Variants in UBASH3B observed in about 807,000 individuals in gnomAD.
UBASH3B encodes ubiquitin-associated and SH3 domain-containing protein B.
In UBASH3B, 37 loss-of-function variants were observed where a neutral mutation model predicts 83.4. The ratio of observed to expected loss-of-function variants is 0.44; its 90% CI spans 0.34 to 0.58. The LOEUF is 0.58. Among genes scored for constraint, UBASH3B ranks in the 20% least tolerant of loss-of-function variants. UBASH3B has a pLI of 0.01. For synonymous variants in UBASH3B, 304 were observed against 318.3 expected (o/e 0.96, Z 0.48); for missense variants, 657 against 827.2 (o/e 0.79, Z 2.52).
chr11:122,669,609 C>T (rs1343016817), intron 1 of UBASH3B, among the ~76,000 whole-genome samples: 1 of 152,174 alleles, frequency 6.6e-6, no homozygotes, highest in Non-Finnish European at 1.5e-5. Flanking sequence ...GAGTTCATGA[C>T]ATTTCTGTTA....
intron 1 of UBASH3B, among the ~76,000 whole-genome samples, chr11:122,699,534 T>TTTCTTTCTTTA (rs1338468604): frequency 7.5e-5 from 8 of 107,100 alleles, no homozygotes; most frequent in African/African-American, 2.9e-4. Context: ...TTTCTTTCTC[T>TTTCTTTCTTTA]TTCTTTCTTT....
chr11:122,801,443 G>A, intron 11 of UBASH3B, 111 bp downstream of exon 11: 7 of 1,250,708 alleles, frequency 5.6e-6, no homozygotes, highest in Non-Finnish European at 7.6e-6. Flanking sequence ...ACAGGCAGTT[G>A]TCCATAGTGG....
rs917250832 is a variant in UBASH3B at position 122,813,972 on chromosome 11, G to A, written c.*4086G>A. 5 of 152,278 alleles carry A rather than the reference G, an allele frequency of 3.3e-5. No individual in the cohort carries two copies. The highest frequency in any genetic ancestry group is 6.5e-5 in the Admixed American group (1 of 15,278). The allele number at this position is 152,278 out of a possible 1,614,324, so 9.4% of individuals were successfully genotyped here. ...TTTAAAATTATAGTGATGACTAGTC[G>A]AACTTAATATACAATCAGTTCTTGC... On this transcript the variant is annotated 3_prime_UTR_variant, in exon 14 of 14. Coordinates refer to ENST00000284273, the MANE Select transcript of UBASH3B (RefSeq NM_032873.5).
chr11:122,725,987 C>T (rs987217677), intron 1 of UBASH3B, among the ~76,000 whole-genome samples: 2 of 152,140 alleles, frequency 1.3e-5, no homozygotes, highest in Non-Finnish European at 2.9e-5. Flanking sequence ...CCACTGCACC[C>T]GGCCCCTTGT....
chr11:122,777,941 G>A (rs1860769698), intron 3 of UBASH3B, among the ~76,000 whole-genome samples: 3 of 152,000 alleles, frequency 2.0e-5, no homozygotes, highest in East Asian at 1.9e-4. Context: ...TGTTGGCCAG[G>A]CTGGTCTTGA....
chr11:122,777,350 G>GC, intron 3 of UBASH3B, 140 bp downstream of exon 3: 1 of 922,548 alleles, frequency 1.1e-6, no homozygotes, highest in Admixed American at 3.1e-5. Context: ...GACCTTCAAG[G>GC]GATCAGTGAG....
intron 1 of UBASH3B, among the ~76,000 whole-genome samples, chr11:122,762,331 C>T (rs1861383797): frequency 6.6e-6 from 1 of 152,176 alleles, no homozygotes; most frequent in Non-Finnish European, 1.5e-5. Context: ...ACTACTCTGC[C>T]AACTGGGGAG....
intron 1 of UBASH3B, among the ~76,000 whole-genome samples, chr11:122,728,510 A>G (rs564234313): frequency 3.9e-5 from 6 of 152,366 alleles, no homozygotes; most frequent in African/African-American, 1.4e-4. Context: ...GTTAAGACCC[A>G]TAGCTACTTC....
chr11:122,740,061 T>C (rs944720803), intron 1 of UBASH3B, among the ~76,000 whole-genome samples: 1 of 152,246 alleles, frequency 6.6e-6, no homozygotes, highest in Non-Finnish European at 1.5e-5. Flanking sequence ...GCCATTTGAT[T>C]CCATTTTGTC....
intron 1 of UBASH3B, among the ~76,000 whole-genome samples, chr11:122,761,061 A>G (rs1351753897): frequency 6.6e-6 from 1 of 152,204 alleles, no homozygotes; most frequent in South Asian, 2.1e-4. Flanking sequence ...CTTTGGTAGA[A>G]TCTGACCTAT....
rs956212163 is a variant in UBASH3B at position 122,806,054 on chromosome 11, G to A, written c.1596-356G>A. Among the ~76,000 whole-genome samples the A allele has an allele frequency of 2.6e-5, 4 of 152,200 alleles. No individual in the cohort carries two copies. The highest frequency in any genetic ancestry group is 9.7e-5 in the African/African-American group (4 of 41,442). ...TTGAAGAGAGGTCTGGGAAATCCCT[G>A]CTGATCTAAATAGGTTGAGGGTTCC... On this transcript the variant is annotated intron_variant, in intron 11 of 13. Transcript: ENST00000284273. The surrounding 1 kb of genome is among the most constrained non-coding windows in gnomAD (Gnocchi z 4.0).
intron 1 of UBASH3B, among the ~76,000 whole-genome samples, chr11:122,771,820 A>G (rs1414683921): frequency 6.6e-6 from 1 of 152,066 alleles, no homozygotes; most frequent in Non-Finnish European, 1.5e-5. Flanking sequence ...TTATTCTTAA[A>G]TAACCACAGC....
At chr11:122,799,125 T>C (rs1435622229) in intron 10 of UBASH3B, 91 bp downstream of exon 10, 2 of 1,088,926 alleles carry the variant, frequency 1.8e-6, no homozygotes, top group Non-Finnish European at 2.7e-6. Flanking sequence ...ATGGGACATT[T>C]GCCAGTTGAA....
At position 122,776,050 on chromosome 11, in the gene UBASH3B, T is replaced by C. The variant is rs902476086; in HGVS notation, c.162-169T>C. 3.0e-5 allele frequency: 16 copies of C among 540,784 alleles called. No individual in the cohort carries two copies. The African/African-American group carries it at 3.2e-4, about 11-fold the overall frequency. 33.5% of individuals were successfully genotyped at this position (540,784 alleles called of 1,614,324 possible). On this transcript the variant is annotated intron_variant, in intron 1 of 13. Transcript: ENST00000284273. ...TTAATTACAAGTCCTAACTTCCATA[T>C]GTCTTGATATGACCCTTGGGGGAAA...
intron 1 of UBASH3B, among the ~76,000 whole-genome samples, chr11:122,721,857 T>C (rs1221898037): frequency 6.6e-6 from 1 of 152,212 alleles, no homozygotes; most frequent in Non-Finnish European, 1.5e-5. Flanking sequence ...TTTAGAAACA[T>C]GCTACTCTGT....
chr11:122,688,388 C>T (rs1218593548), intron 1 of UBASH3B, among the ~76,000 whole-genome samples: 3 of 151,576 alleles, frequency 2.0e-5, no homozygotes, highest in Admixed American at 6.6e-5. Flanking sequence ...CTCAGTCTCC[C>T]GGGTAGCTGG....
chr11:122,707,115 C>T (rs187159687), intron 1 of UBASH3B, among the ~76,000 whole-genome samples: 162 of 152,178 alleles, frequency 1.1e-3, no homozygotes, highest in Non-Finnish European at 1.9e-3. Flanking sequence ...CAGATTTTTG[C>T]TGGAGAAAAT....
rs574842172 is a variant in UBASH3B at position 122,776,253 on chromosome 11, G to A, written c.196G>A (p.Val66Ile). Residue 66 changes from valine to isoleucine, a missense_variant, in exon 2 of 14, where the codon GTT becomes ATT. By Grantham distance (29) the Val-to-Ile change is conservative. Transcript: ENST00000284273. ...CTTGGCATCCACGGGAGGAAGAAGT[G>A]TTCAGGCAGCATGTGACTGGTTGGT... ...KALASTGGRS[V>I]QAACDWLFSH... 8 of 1,609,272 alleles carry A rather than the reference G, an allele frequency of 5.0e-6. No homozygotes were observed. The highest frequency in any genetic ancestry group is 2.2e-5 in the East Asian group (1 of 44,724).
chr11:122,806,260 C>G lies in UBASH3B; in HGVS notation c.1596-150C>G, dbSNP rs2135190780. On this transcript the variant is annotated intron_variant, in intron 11 of 13. Coordinates refer to ENST00000284273, the MANE Select transcript of UBASH3B (RefSeq NM_032873.5). The surrounding 1 kb of genome is among the most constrained non-coding windows in gnomAD (Gnocchi z 4.0). ...ATGTTCATATAGTAGAAATGCTGTT[C>G]CCTATACCTTTCTCCTTTCTAGGGA... The G allele has an allele frequency of 3.1e-6, 2 of 643,856 alleles. No homozygotes were observed. The highest frequency in any genetic ancestry group is 5.9e-5 in the East Asian group (2 of 34,092). 39.9% of individuals were successfully genotyped at this position (643,856 alleles called of 1,614,324 possible).
Sources: allele counts gnomAD v4.1 joint callset (sites outside exome capture counted in the v4.1 genomes callset), GRCh38; gene constraint gnomAD v4.1.1; non-coding constraint Gnocchi (gnomAD v3.1); transcripts MANE v1.5; gene names NCBI Gene and HGNC (gene_info 2026-07-23, HGNC 2026-07-21).